NKAIN2: variants seen among roughly 807,000 people sequenced by gnomAD.
NKAIN2 encodes sodium/potassium transporting ATPase interacting 2.
A neutral mutation model predicts 32.6 loss-of-function variants in NKAIN2; 14 were observed. That is an observed-to-expected ratio of 0.43 (90% CI 0.28 to 0.67). NKAIN2 has a LOEUF of 0.67. Among genes scored for constraint, NKAIN2 ranks in the 30% least tolerant of loss-of-function variants. The probability of loss-of-function intolerance (pLI) is 0.17; values close to 1 mark genes in which losing one functional copy is unlikely to be tolerated. For missense variants in NKAIN2, 198 were observed against 258.3 expected, an observed-to-expected ratio of 0.77 and a Z score of 1.60; for synonymous variants, 80 against 87.2, an observed-to-expected ratio of 0.92 and a Z score of 0.46.
intron 4 of NKAIN2, among the ~76,000 whole-genome samples, chr6:124,714,392 G>T: frequency 6.6e-6 from 1 of 152,112 alleles, no homozygotes. Context: ...TATTTTCAAG[G>T]TTCCAATAAA....
chr6:124,058,325 T>C (rs1447831165), intron 1 of NKAIN2, among the ~76,000 whole-genome samples: 2 of 151,128 alleles, frequency 1.3e-5, no homozygotes, highest in Non-Finnish European at 2.9e-5. Flanking sequence ...GCTAAAAATA[T>C]ACAATAATTA....
chr6:124,051,280 G>A (rs1292901050), intron 1 of NKAIN2, among the ~76,000 whole-genome samples: 2 of 151,906 alleles, frequency 1.3e-5, no homozygotes, highest in African/African-American at 4.8e-5. Context: ...TTTGGAGAAA[G>A]GGAACGAAGC....
At chr6:124,254,672 TA>T (rs1793843145) in intron 1 of NKAIN2, among the ~76,000 whole-genome samples, 1 of 152,198 alleles carries the variant, frequency 6.6e-6, no homozygotes, top group African/African-American at 2.4e-5. Context: ...ACTTCATCAT[TA>T]AAACGACACT....
At chr6:124,409,842 A>C (rs1423999069) in intron 3 of NKAIN2, among the ~76,000 whole-genome samples, 1 of 152,126 alleles carries the variant, frequency 6.6e-6, no homozygotes, top group Non-Finnish European at 1.5e-5. Flanking sequence ...TTTGGTTGGT[A>C]ATCTATTAAT....
At chr6:123,850,142 A>G (rs951504910) in intron 1 of NKAIN2, among the ~76,000 whole-genome samples, 5 of 151,418 alleles carry the variant, frequency 3.3e-5, no homozygotes, top group African/African-American at 1.2e-4. Flanking sequence ...ACTGTAGAAC[A>G]TGTGCACTGA....
chr6:124,155,671 A>T (rs1334922484), intron 1 of NKAIN2, among the ~76,000 whole-genome samples: 4 of 151,676 alleles, frequency 2.6e-5, no homozygotes, highest in African/African-American at 9.7e-5. Context: ...CATGATATGG[A>T]GATAAATGGA....
At chr6:123,895,737 A>G (rs1369466282) in intron 1 of NKAIN2, among the ~76,000 whole-genome samples, 1 of 152,256 alleles carries the variant, frequency 6.6e-6, no homozygotes, top group East Asian at 1.9e-4. Context: ...TGTGTTGTAG[A>G]ATATGGTGTG....
chr6:123,969,116 T>C (rs971060324), intron 1 of NKAIN2, among the ~76,000 whole-genome samples: 11 of 152,154 alleles, frequency 7.2e-5, no homozygotes, highest in African/African-American at 2.7e-4. Flanking sequence ...AATCTCAGTA[T>C]CTCCTGAGAA....
chr6:124,622,098 T>C (rs553740046), intron 3 of NKAIN2, among the ~76,000 whole-genome samples: 8 of 152,286 alleles, frequency 5.3e-5, no homozygotes, highest in African/African-American at 1.9e-4. Context: ...CAAACCAAGG[T>C]ATGTGCAGAG....
At chr6:123,954,429 T>C (rs1396205069) in intron 1 of NKAIN2, among the ~76,000 whole-genome samples, 2 of 152,178 alleles carry the variant, frequency 1.3e-5, no homozygotes, top group Non-Finnish European at 2.9e-5. Flanking sequence ...TTTCCCCACA[T>C]TGGGGAGCTC....
At chr6:124,769,297 C>A (rs1778647068) in intron 4 of NKAIN2, among the ~76,000 whole-genome samples, 2 of 152,148 alleles carry the variant, frequency 1.3e-5, no homozygotes, top group African/African-American at 4.8e-5. Flanking sequence ...GATGATTAAA[C>A]CATTCTGCAG....
intron 1 of NKAIN2, among the ~76,000 whole-genome samples, chr6:124,060,125 TGAG>T (rs975514044): frequency 9.9e-5 from 15 of 152,136 alleles, no homozygotes. Context: ...TATCCCTGAA[TGAG>T]GAGTATGGTT....
intron 3 of NKAIN2, among the ~76,000 whole-genome samples, chr6:124,417,207 A>T (rs1355519741): frequency 6.6e-6 from 1 of 152,242 alleles, no homozygotes; most frequent in Admixed American, 6.5e-5. Flanking sequence ...TTAACAAGCA[A>T]TTACGGACAC....
At chr6:124,053,077 T>C (rs1782484680) in intron 1 of NKAIN2, among the ~76,000 whole-genome samples, 1 of 151,992 alleles carries the variant, frequency 6.6e-6, no homozygotes, top group African/African-American at 2.4e-5. Flanking sequence ...AACTTTTAAA[T>C]TTTATTTTAT....
At chr6:124,427,252 A>T (rs967976866) in intron 3 of NKAIN2, among the ~76,000 whole-genome samples, 1 of 152,210 alleles carries the variant, frequency 6.6e-6, no homozygotes, top group Non-Finnish European at 1.5e-5. Flanking sequence ...AATATGAAAA[A>T]TGACCAAATG....
chr6:124,021,732 A>G (rs1780875372), intron 1 of NKAIN2, among the ~76,000 whole-genome samples: 1 of 152,174 alleles, frequency 6.6e-6, no homozygotes, highest in Non-Finnish European at 1.5e-5. Context: ...ATAGATATAT[A>G]TAGACATATC....
intron 3 of NKAIN2, among the ~76,000 whole-genome samples, chr6:124,649,971 ACT>A (rs1784309668): frequency 6.6e-6 from 1 of 152,080 alleles, no homozygotes; most frequent in Non-Finnish European, 1.5e-5. Context: ...AAACAAAAAA[ACT>A]CTCAGTAAAC....
intron 3 of NKAIN2, among the ~76,000 whole-genome samples, chr6:124,435,698 A>C (rs547803091): frequency 6.6e-6 from 1 of 152,272 alleles, no homozygotes; most frequent in South Asian, 2.1e-4. Flanking sequence ...TCTTTGCTGG[A>C]TAGTTTTTCT....
chr6:124,707,965 A>AT (rs1229294985), intron 4 of NKAIN2, among the ~76,000 whole-genome samples: 2 of 150,046 alleles, frequency 1.3e-5, no homozygotes, highest in African/African-American at 4.9e-5. Flanking sequence ...TAGGGTTTTT[A>AT]TGGTTTTAGG....
Sources: gnomAD v4.1 joint callset for allele counts (sites outside exome capture counted in the v4.1 genomes callset) on GRCh38, gnomAD v4.1.1 for gene constraint, MANE v1.5 for transcripts, NCBI Gene and HGNC (gene_info 2026-07-23, HGNC 2026-07-21) for gene names.